The following THSD7B variants were observed in gnomAD, a reference collection of about 807,000 sequenced individuals.
THSD7B encodes thrombospondin type-1 domain-containing protein 7B.
THSD7B carries 138 observed loss-of-function variants against 213.6 expected under a neutral mutation model. The ratio of observed to expected loss-of-function variants is 0.65; its 90% CI spans 0.56 to 0.74. The LOEUF (loss-of-function observed/expected upper bound fraction) is 0.74, where lower values mean the gene tolerates loss of function less well. Ranked by LOEUF, THSD7B falls within the 30% of genes least tolerant of loss-of-function variation. The pLI, the probability that THSD7B is intolerant of heterozygous loss-of-function variation, is 0.00. For missense variants in THSD7B, 1,931 were observed against 1,991.5 expected (o/e 0.97, Z 0.58); for synonymous variants, 742 against 687.0 (o/e 1.08, Z -1.25).
chr2:137,201,679 T>C (rs1452538944), intron 7 of THSD7B, among the ~76,000 whole-genome samples: 3 of 152,174 alleles, frequency 2.0e-5, no homozygotes, highest in Non-Finnish European at 4.4e-5. Flanking sequence ...GGCCACTTCC[T>C]AGTAAAAGCT....
At chr2:137,337,145 G>A (rs74752653) in intron 12 of THSD7B, among the ~76,000 whole-genome samples, 3,250 of 151,680 alleles carry the variant, frequency 0.021, 136 homozygotes, top group African/African-American at 0.075. Flanking sequence ...CATCAGCATT[G>A]GTATAATACT....
At chr2:137,338,481 G>A (rs1684689823) in intron 12 of THSD7B, among the ~76,000 whole-genome samples, 1 of 152,006 alleles carries the variant, frequency 6.6e-6, no homozygotes, top group Non-Finnish European at 1.5e-5. Flanking sequence ...GCATCTTAGA[G>A]ACAAACTAAA....
At chr2:136,925,743 G>A (rs1684512351) in intron 2 of THSD7B, among the ~76,000 whole-genome samples, 1 of 152,084 alleles carries the variant, frequency 6.6e-6, no homozygotes, top group South Asian at 2.1e-4. Context: ...GGGGATTGGT[G>A]TTAATTTTTC....
intron 27 of THSD7B, 122 bp from the exon 28 acceptor site, chr2:137,676,402 C>T (rs992881365): frequency 1.1e-4 from 99 of 869,646 alleles, no homozygotes; most frequent in Middle Eastern, 6.5e-4. Context: ...ACCCACACAT[C>T]TAGAGAAATG....
At chr2:137,634,169 T>C (rs1380491443) in intron 20 of THSD7B, among the ~76,000 whole-genome samples, 1 of 152,160 alleles carries the variant, frequency 6.6e-6, no homozygotes, top group Admixed American at 6.5e-5. Flanking sequence ...TTCAGTTAAG[T>C]GACATTGTAC....
chr2:137,542,064 T>C (rs1250483964), intron 15 of THSD7B, among the ~76,000 whole-genome samples: 1 of 151,612 alleles, frequency 6.6e-6, no homozygotes, highest in Non-Finnish European at 1.5e-5. Flanking sequence ...AAACCTAAAA[T>C]CTTCCTGAGT....
chr2:136,898,146 T>G (rs1683996697), intron 2 of THSD7B, among the ~76,000 whole-genome samples: 1 of 152,244 alleles, frequency 6.6e-6, no homozygotes, highest in Non-Finnish European at 1.5e-5. Context: ...TCTAGCTGGC[T>G]TCACCTCTCA....
At chr2:137,211,307 C>CGAT (rs1681096630) in intron 7 of THSD7B, among the ~76,000 whole-genome samples, 1 of 127,656 alleles carries the variant, frequency 7.8e-6, no homozygotes, top group Non-Finnish European at 1.6e-5. Flanking sequence ...GATTGCTTGT[C>CGAT]TATTCAACAG....
chr2:137,168,824 G>C (rs1680182976), intron 6 of THSD7B, among the ~76,000 whole-genome samples: 1 of 152,102 alleles, frequency 6.6e-6, no homozygotes, highest in Non-Finnish European at 1.5e-5. Context: ...TAAGAATAGA[G>C]GTCATTCGAG....
chr2:137,441,342 C>T (rs1175129906), intron 14 of THSD7B, among the ~76,000 whole-genome samples: 1 of 152,014 alleles, frequency 6.6e-6, no homozygotes, highest in African/African-American at 2.4e-5. Context: ...TCTCACAGCA[C>T]CCTAGCCAAA....
intron 15 of THSD7B, among the ~76,000 whole-genome samples, chr2:137,475,867 AT>A (rs1393534169): frequency 6.6e-6 from 1 of 152,024 alleles, no homozygotes; most frequent in Non-Finnish European, 1.5e-5. Flanking sequence ...TTGTGTTTAT[AT>A]TTTTAGTTTT....
Position 137,410,949 on chromosome 2 carries a change from G to T in THSD7B, c.2696-660G>T, listed in dbSNP as rs139277505. On this transcript the variant is annotated intron_variant, in intron 13 of 27. Transcript: ENST00000409968. ...GTTTACAGCTGTGAAAAATGACACT[G>T]CATTGTCTTACTCAGAGATAGGACC... Among the ~76,000 whole-genome samples the T allele has an allele frequency of 1.4e-4, 21 of 152,272 alleles. No homozygotes were observed. The East Asian group carries it at 2.1e-3, about 15-fold the overall frequency.
intron 14 of THSD7B, among the ~76,000 whole-genome samples, chr2:137,412,357 T>A (rs1686677235): frequency 6.6e-6 from 1 of 151,790 alleles, no homozygotes; most frequent in African/African-American, 2.4e-5. Flanking sequence ...TCCCAGCACT[T>A]TGAGAGGCCG....
intron 7 of THSD7B, among the ~76,000 whole-genome samples, chr2:137,216,561 A>G (rs1681247658): frequency 6.6e-6 from 1 of 152,126 alleles, no homozygotes; most frequent in South Asian, 2.1e-4. Context: ...GCCTGGCAGT[A>G]AACATGGTAT....
intron 10 of THSD7B, among the ~76,000 whole-genome samples, chr2:137,245,372 T>G (rs1049690895): frequency 4.6e-5 from 7 of 152,154 alleles, no homozygotes; most frequent in African/African-American, 1.7e-4. Context: ...TGACACTGAG[T>G]AGGCACTGGG....
intron 1 of THSD7B, among the ~76,000 whole-genome samples, chr2:136,853,954 T>A (rs1225414780): frequency 6.6e-6 from 1 of 152,218 alleles, no homozygotes; most frequent in Non-Finnish European, 1.5e-5. Flanking sequence ...AGCTGATTTG[T>A]GTTCTTTTAA....
intron 1 of THSD7B, among the ~76,000 whole-genome samples, chr2:136,808,733 A>G (rs528553765): frequency 1.3e-5 from 2 of 152,340 alleles, no homozygotes; most frequent in South Asian, 2.1e-4. Flanking sequence ...ATTTAAACAC[A>G]TGTAATTTTT....
Position 136,998,909 on chromosome 2 carries a change from G to GACACAAACACACACAC in THSD7B, c.140-57506_140-57505insAACACACACACACACA, listed in dbSNP as rs1295053031. On this transcript the variant is annotated intron_variant, in intron 2 of 27. Coordinates refer to ENST00000409968, the MANE Select transcript of THSD7B (RefSeq NM_001316349.2). ...TTTCATGCTCCTTGAATACCCAACA[G>GACACAAACACACACAC]ACACACACACACACACACACACACA... 1.2e-3 allele frequency among the ~76,000 whole-genome samples: 157 copies of GACACAAACACACACAC among 129,980 alleles called. 3 individuals carry two copies. Among genetic ancestry groups the GACACAAACACACACAC allele is most frequent in the African/African-American group, 4.2e-3 (150 of 35,398 alleles). 85.3% of individuals were successfully genotyped at this position (129,980 alleles called of 152,430 possible).
At chr2:136,881,386 CCGACACA>C in intron 1 of THSD7B, among the ~76,000 whole-genome samples, 3 of 152,098 alleles carry the variant, frequency 2.0e-5, no homozygotes, top group Non-Finnish European at 4.4e-5. Flanking sequence ...ATAAAATATA[CCGACACA>C]GAGACTGTGG....
Sources: gnomAD v4.1 joint callset for allele counts (sites outside exome capture counted in the v4.1 genomes callset) on GRCh38, gnomAD v4.1.1 for gene constraint, MANE v1.5 for transcripts, NCBI Gene and HGNC (gene_info 2026-07-23, HGNC 2026-07-21) for gene names.